Variants in PTPN9 observed in about 807,000 individuals in gnomAD.
PTPN9 encodes tyrosine-protein phosphatase non-receptor type 9.
In PTPN9, 26 loss-of-function variants were observed where a neutral mutation model predicts 69.8. The observed-to-expected ratio is 0.37, with a 90% CI of 0.27 to 0.52. The LOEUF (loss-of-function observed/expected upper bound fraction) is 0.52. Ranked by LOEUF, PTPN9 falls within the 20% of genes least tolerant of loss-of-function variation. The probability of loss-of-function intolerance (pLI) is 0.91; values close to 1 mark genes in which losing one functional copy is unlikely to be tolerated. For synonymous variants in PTPN9, 274 were observed against 272.5 expected (o/e 1.01, Z -0.05); for missense variants, 549 against 740.3 (o/e 0.74, Z 3.00).
At chr15:75,470,893 C>T (rs1340382295) in intron 10 of PTPN9, 63 bp from the exon 11 acceptor site, 15 of 1,568,782 alleles carry the variant, frequency 9.6e-6, no homozygotes, top group Non-Finnish European at 1.3e-5. Context: ...AACCTGGCTT[C>T]CCCAAAGACC....
chr15:75,530,227 A>G (rs1241829649), intron 1 of PTPN9, among the ~76,000 whole-genome samples: 2 of 143,574 alleles, frequency 1.4e-5, no homozygotes, highest in Non-Finnish European at 3.0e-5. Flanking sequence ...AAGAAAAGAA[A>G]GAAAGAAAGA....
At chr15:75,514,951 G>A (rs564175242) in intron 5 of PTPN9, among the ~76,000 whole-genome samples, 14 of 152,220 alleles carry the variant, frequency 9.2e-5, no homozygotes, top group African/African-American at 3.1e-4. Flanking sequence ...CATGGCAAGG[G>A]GGTACGACTG....
intron 1 of PTPN9, among the ~76,000 whole-genome samples, chr15:75,566,352 T>C (rs1410550520): frequency 3.9e-5 from 6 of 152,220 alleles, no homozygotes; most frequent in Non-Finnish European, 8.8e-5. Flanking sequence ...AAAGAACACA[T>C]AGTACTTTTC....
At chr15:75,488,932 T>C (rs1166574226) in intron 8 of PTPN9, among the ~76,000 whole-genome samples, 3 of 152,046 alleles carry the variant, frequency 2.0e-5, no homozygotes, top group South Asian at 2.1e-4. Flanking sequence ...TCCCAGCACT[T>C]TGGGAGGCCG....
Position 75,578,868 on chromosome 15 carries a change from G to A in PTPN9, c.-92C>T. 2 of 897,268 alleles carry A rather than the reference G, an allele frequency of 2.2e-6. No individual in the cohort carries two copies. Among genetic ancestry groups the A allele is most frequent in the Non-Finnish European group, 2.9e-6 (2 of 699,302 alleles). The allele number at this position is 897,268 out of a possible 1,614,324, so 55.6% of individuals were successfully genotyped here. ...TCCGCTTCCGCGTCCCCGCGCCTCA[G>A]CAGCCCGGGGCCGGCTCGCGCATAG... On this transcript the variant is annotated 5_prime_UTR_variant, in exon 1 of 13. Coordinates refer to ENST00000618819, the MANE Select transcript of PTPN9 (RefSeq NM_002833.4).
chr15:75,539,949 C>A (rs564908722), intron 1 of PTPN9, among the ~76,000 whole-genome samples: 1 of 152,064 alleles, frequency 6.6e-6, no homozygotes, highest in African/African-American at 2.4e-5. Flanking sequence ...CAAAGTGCTG[C>A]GATTATAGGC....
intron 1 of PTPN9, among the ~76,000 whole-genome samples, chr15:75,540,899 G>A (rs2075005507): frequency 6.6e-6 from 1 of 151,576 alleles, no homozygotes; most frequent in African/African-American, 2.4e-5. Context: ...GCAACACAGG[G>A]AAACCTCGTC....
chr15:75,511,190 C>T (rs186346019), intron 5 of PTPN9, among the ~76,000 whole-genome samples: 2 of 152,232 alleles, frequency 1.3e-5, no homozygotes, highest in Admixed American at 1.3e-4. Flanking sequence ...GAGCTATTTT[C>T]CACATTGTTT....
intron 10 of PTPN9, among the ~76,000 whole-genome samples, chr15:75,472,098 C>T (rs530101732): frequency 3.9e-5 from 6 of 152,244 alleles, no homozygotes; most frequent in Admixed American, 2.0e-4. Flanking sequence ...TTTCCTTCCT[C>T]ATCTGAAATA....
chr15:75,506,088 G>T, intron 6 of PTPN9, 85 bp from the exon 7 acceptor site: 1 of 1,094,038 alleles, frequency 9.1e-7, no homozygotes, highest in Non-Finnish European at 1.3e-6. Context: ...TTTATATCAG[G>T]TTTGGAGGAT....
chr15:75,503,982 G>A (rs1460230018), intron 7 of PTPN9, among the ~76,000 whole-genome samples: 16 of 124,652 alleles, frequency 1.3e-4, no homozygotes, highest in East Asian at 2.6e-4. Flanking sequence ...CTACTGGGAA[G>A]TGAGGAGCCC....
At chr15:75,498,804 C>T (rs531572757) in intron 7 of PTPN9, among the ~76,000 whole-genome samples, 46 of 152,156 alleles carry the variant, frequency 3.0e-4, no homozygotes, top group Admixed American at 2.2e-3. Context: ...TGAAGGGCAA[C>T]GAGGGGAGCC....
At chr15:75,514,308 G>T (rs1342897267) in intron 5 of PTPN9, among the ~76,000 whole-genome samples, 1 of 152,122 alleles carries the variant, frequency 6.6e-6, no homozygotes, top group Admixed American at 6.6e-5. Context: ...GTCGGGCACA[G>T]TGGTTCACGC....
intron 1 of PTPN9, among the ~76,000 whole-genome samples, chr15:75,565,259 G>A (rs984728531): frequency 3.9e-5 from 6 of 152,010 alleles, no homozygotes; most frequent in African/African-American, 1.4e-4. Context: ...ATTGGTTTTA[G>A]ACTAGAGCTT....
intron 1 of PTPN9, among the ~76,000 whole-genome samples, chr15:75,532,265 G>A (rs2074967156): frequency 2.0e-5 from 3 of 152,086 alleles, no homozygotes; most frequent in African/African-American, 7.2e-5. Flanking sequence ...AACAGGGTGT[G>A]GTGGCAGGTG....
chr15:75,534,881 G>A (rs918912094), intron 1 of PTPN9, among the ~76,000 whole-genome samples: 4 of 152,032 alleles, frequency 2.6e-5, no homozygotes, highest in African/African-American at 9.7e-5. Flanking sequence ...GCTGATGCGG[G>A]AGAATAGCTT....
chr15:75,512,917 C>T (rs2074851443), intron 5 of PTPN9: 1 of 373,250 alleles, frequency 2.7e-6, no homozygotes, highest in Non-Finnish European at 5.2e-6. Flanking sequence ...CTTATAGATA[C>T]ATCTGTAGAT....
chr15:75,555,790 C>T (rs1191371870), intron 1 of PTPN9, among the ~76,000 whole-genome samples: 1 of 152,018 alleles, frequency 6.6e-6, no homozygotes, highest in Non-Finnish European at 1.5e-5. Flanking sequence ...CAGTTATAAG[C>T]CACTGCGCCC....
intron 7 of PTPN9, among the ~76,000 whole-genome samples, chr15:75,493,480 G>GAGAAAATA (rs1246780323): frequency 2.6e-5 from 4 of 151,988 alleles, no homozygotes; most frequent in South Asian, 2.1e-4. Flanking sequence ...AGAAAAACTG[G>GAGAAAATA]CCAGGCACAG....
Sources: allele counts gnomAD v4.1 joint callset (sites outside exome capture counted in the v4.1 genomes callset), GRCh38; gene constraint gnomAD v4.1.1; transcripts MANE v1.5; gene names NCBI Gene and HGNC (gene_info 2026-07-23, HGNC 2026-07-21).